Variants in R3HDM2 observed in about 807,000 individuals in gnomAD.
The protein encoded by R3HDM2 is R3H domain-containing protein 2.
R3HDM2 carries 38 observed loss-of-function variants against 124.5 expected under a neutral mutation model. The observed-to-expected ratio is 0.31, with a 90% CI of 0.24 to 0.40. The LOEUF (loss-of-function observed/expected upper bound fraction) is 0.40, where lower values mean the gene tolerates loss of function less well. Ranked by LOEUF, R3HDM2 falls within the 10% of genes least tolerant of loss-of-function variation. The probability of loss-of-function intolerance (pLI) is 1.00; values close to 1 mark genes in which losing one functional copy is unlikely to be tolerated. For synonymous variants in R3HDM2, 391 were observed against 448.0 expected, an observed-to-expected ratio of 0.87 and a Z score of 1.61; for missense variants, 869 against 1,236.9, an observed-to-expected ratio of 0.70 and a Z score of 4.46.
intron 2 of R3HDM2, among the ~76,000 whole-genome samples, chr12:57,352,374 A>G (rs1035768843): frequency 3.3e-5 from 5 of 152,200 alleles, no homozygotes; most frequent in Admixed American, 1.3e-4. Flanking sequence ...GAATGACTCA[A>G]TATTGCAAAG....
chr12:57,363,149 T>C (rs925656874), intron 2 of R3HDM2, among the ~76,000 whole-genome samples: 3 of 152,222 alleles, frequency 2.0e-5, no homozygotes, highest in Admixed American at 2.0e-4. Flanking sequence ...TACCTAAATT[T>C]TGATTTGGTG....
chr12:57,280,531 C>G lies in R3HDM2; in HGVS notation c.1172-1G>C, dbSNP rs1282751999. 1 of 1,589,538 alleles carries G rather than the reference C, an allele frequency of 6.3e-7. No homozygotes were observed. The highest frequency in any genetic ancestry group is 1.8e-5 in the Admixed American group (1 of 55,532). On this transcript the variant is annotated splice_acceptor_variant, in intron 13 of 23. Transcript: ENST00000402412. LOFTEE classifies it high-confidence loss of function. Reference sequence around the variant, plus strand: ...ACTTCTGGGGCACCTAGTGCCATACCTAAGGCAAAGAAGAAACCCACAAAA... The same window carrying G: ...ACTTCTGGGGCACCTAGTGCCATACGTAAGGCAAAGAAGAAACCCACAAAA...
intron 3 of R3HDM2, 51 bp downstream of exon 3, chr12:57,310,213 T>C: frequency 8.0e-7 from 1 of 1,257,798 alleles, no homozygotes; most frequent in South Asian, 1.7e-5. Flanking sequence ...GGTAACCCTG[T>C]CTCTAAAGGA....
At position 57,280,552 on chromosome 12, in the gene R3HDM2, C is replaced by G. The variant is rs376889016; in HGVS notation, c.1172-22G>C. 3.2e-6 allele frequency: 5 copies of G among 1,570,626 alleles called. No individual in the cohort carries two copies. The East Asian group carries it at 1.1e-4, about 36-fold the overall frequency. On this transcript the variant is annotated intron_variant, in intron 13 of 23. Coordinates refer to ENST00000402412, the MANE Select transcript of R3HDM2 (RefSeq NM_001394031.1). The stretch of plus-strand genomic sequence containing the variant: ...ATACCTAAGGCAAAGAAGAAACCCA[C>G]AAAAAGTTGTAAGCATAAGCCACGA...
rs1357259921 is a variant in R3HDM2 at position 57,254,278 on chromosome 12, A to G, written c.*495T>C. ...CACTCTGGAAGGCCAAGGCAGGTGG[A>G]TCACCTGAGGTCAGGAGTTTGAGGC... On this transcript the variant is annotated 3_prime_UTR_variant, in exon 24 of 24. Transcript: ENST00000402412. 1 of 450,910 alleles carries G rather than the reference A, an allele frequency of 2.2e-6. No homozygotes were observed. The highest frequency in any genetic ancestry group is 4.4e-6 in the Non-Finnish European group (1 of 225,848). The allele number at this position is 450,910 out of a possible 1,614,324, so 27.9% of individuals were successfully genotyped here. A position where few individuals can be genotyped will look rare whatever the true frequency, so the allele number is the denominator to read the frequency against.
At chr12:57,398,609 C>T (rs762437117) in intron 1 of R3HDM2, among the ~76,000 whole-genome samples, 22 of 152,060 alleles carry the variant, frequency 1.4e-4, no homozygotes, top group Non-Finnish European at 2.9e-4. Flanking sequence ...CTGCCTCAAC[C>T]TCCCAAGTAG....
chr12:57,422,087 G>A (rs1002096061), intron 1 of R3HDM2, among the ~76,000 whole-genome samples: 4 of 102,142 alleles, frequency 3.9e-5, no homozygotes, highest in Non-Finnish European at 7.6e-5. Context: ...GGGAGACTCC[G>A]CCTAGCAAAA....
intron 2 of R3HDM2, among the ~76,000 whole-genome samples, chr12:57,375,590 A>C (rs937701334): frequency 6.6e-6 from 1 of 152,092 alleles, no homozygotes; most frequent in Non-Finnish European, 1.5e-5. Flanking sequence ...ATGAGTAAAT[A>C]CTAAACTGTA....
chr12:57,409,147 C>G (rs1221633331), intron 1 of R3HDM2, among the ~76,000 whole-genome samples: 1 of 152,126 alleles, frequency 6.6e-6, no homozygotes, highest in African/African-American at 2.4e-5. Context: ...ATTAAGCCTC[C>G]TAATGATCCC....
intron 8 of R3HDM2, 41 bp downstream of exon 8, chr12:57,297,287 C>G: frequency 6.7e-6 from 7 of 1,048,636 alleles, no homozygotes; most frequent in African/African-American, 1.6e-5. Flanking sequence ...TTCCAGTGCC[C>G]CCTCCCACCT....
At chr12:57,394,605 A>T (rs2067221167) in intron 2 of R3HDM2, among the ~76,000 whole-genome samples, 1 of 152,202 alleles carries the variant, frequency 6.6e-6, no homozygotes. Context: ...TTTTAAAAAG[A>T]CAGAGAAAGA....
At chr12:57,364,764 C>A (rs2062401130) in intron 2 of R3HDM2, among the ~76,000 whole-genome samples, 1 of 150,360 alleles carries the variant, frequency 6.7e-6, no homozygotes, top group South Asian at 2.1e-4. Context: ...ACCATCCTGG[C>A]CAACATAGTG....
chr12:57,278,775 T>C (rs2045451229), intron 14 of R3HDM2, among the ~76,000 whole-genome samples: 1 of 152,238 alleles, frequency 6.6e-6, no homozygotes, highest in African/African-American at 2.4e-5. Context: ...ATGACTTGCA[T>C]GCAAATTACA....
chr12:57,262,988 C>T (rs906443760), intron 19 of R3HDM2, among the ~76,000 whole-genome samples: 1 of 152,290 alleles, frequency 6.6e-6, no homozygotes, highest in East Asian at 1.9e-4. Flanking sequence ...TTTCTTTTGA[C>T]GTGGGAAGCC....
intron 14 of R3HDM2, among the ~76,000 whole-genome samples, chr12:57,278,294 T>G (rs988894948): frequency 6.6e-6 from 1 of 151,940 alleles, no homozygotes; most frequent in African/African-American, 2.4e-5. Flanking sequence ...AGAACCTGAG[T>G]AGAAGATTGG....
Position 57,269,023 on chromosome 12 carries a change from G to A in R3HDM2, c.1774C>T (p.Gln592Ter). The A allele has an allele frequency of 6.2e-7, 1 of 1,614,214 alleles. No individual in the cohort carries two copies. Among genetic ancestry groups the A allele is most frequent in the African/African-American group, 1.3e-5 (1 of 75,050 alleles). The change falls in exon 17 of 24, where the codon CAG becomes TAG. Residue 592 changes from glutamine (Q) to a stop codon, truncating the protein, a stop_gained. Transcript: ENST00000402412. LOFTEE classifies it high-confidence loss of function. ...QAAYQGMIGV[Q>*]QPQNQGLLSS... ...AGCAGGCCCTGGTTCTGTGGCTGCT[G>A]GACCCCAATCATGCCTTGGTAAGCC...
intron 1 of R3HDM2, among the ~76,000 whole-genome samples, chr12:57,428,942 C>T (rs1868816308): frequency 1.3e-5 from 2 of 151,844 alleles, no homozygotes; most frequent in Admixed American, 1.3e-4. Flanking sequence ...AGACGGGGTT[C>T]CACCATGTTG....
chr12:57,401,055 T>C (rs958664362), intron 1 of R3HDM2, among the ~76,000 whole-genome samples: 3 of 151,662 alleles, frequency 2.0e-5, no homozygotes, highest in Admixed American at 6.6e-5. Context: ...AAAACATCCA[T>C]TTCATTTAAA....
At chr12:57,256,303 G>T in intron 22 of R3HDM2, 111 bp downstream of exon 22, 1 of 1,021,588 alleles carries the variant, frequency 9.8e-7, no homozygotes, top group Non-Finnish European at 1.4e-6. Flanking sequence ...CTCCTGCTTT[G>T]TTCATTCTGT....
Sources: gnomAD v4.1 joint callset for allele counts (sites outside exome capture counted in the v4.1 genomes callset) on GRCh38, gnomAD v4.1.1 for gene constraint, MANE v1.5 for transcripts, NCBI Gene and HGNC (gene_info 2026-07-23, HGNC 2026-07-21) for gene names.